PACC1: variants seen among roughly 807,000 people sequenced by gnomAD.
PACC1 encodes proton-activated chloride channel.
Under a neutral mutation model 39.7 loss-of-function variants are expected in PACC1, and 34 were observed. The ratio of observed to expected loss-of-function variants is 0.86; its 90% CI spans 0.65 to 1.14. The LOEUF (loss-of-function observed/expected upper bound fraction) is 1.14. Among genes scored for constraint, PACC1 ranks in the 50% most tolerant of loss-of-function variants. The pLI is 0.00. For synonymous variants in PACC1, 127 were observed against 160.6 expected (o/e 0.79, Z 1.58); for missense variants, 379 against 436.4 (o/e 0.87, Z 1.17).
chr1:212,410,640 T>TA, intron 1 of PACC1, 119 bp from the exon 2 acceptor site: 1 of 890,648 alleles, frequency 1.1e-6, no homozygotes, highest in Non-Finnish European at 1.9e-6. Flanking sequence ...CCACATGACA[T>TA]AGAGTGTGTT....
At position 212,399,464 on chromosome 1, in the gene PACC1, C is replaced by CT. The variant is rs1190777687; in HGVS notation, c.133+10960dup. 8.0e-3 allele frequency among the ~76,000 whole-genome samples: 1,166 copies of CT among 145,896 alleles called. 12 individuals carry two copies. Among genetic ancestry groups the CT allele is most frequent in the Middle Eastern group, 0.036 (10 of 274 alleles). On this transcript the variant is annotated intron_variant, in intron 2 of 7. Coordinates refer to ENST00000261455, the MANE Select transcript of PACC1 (RefSeq NM_018252.3). ...GTAACAAGTAGAGAAGTCTGAAACA[C>CT]TTTTTTTTTTTTTAAGAGACACGGT...
intron 2 of PACC1, among the ~76,000 whole-genome samples, chr1:212,392,019 G>A (rs1558176065): frequency 6.6e-6 from 1 of 152,186 alleles, no homozygotes; most frequent in Non-Finnish European, 1.5e-5. Context: ...AAAACACTCT[G>A]CAGGATATTA....
intron 2 of PACC1, among the ~76,000 whole-genome samples, chr1:212,407,918 TA>T (rs1661976815): frequency 6.6e-6 from 1 of 151,780 alleles, no homozygotes; most frequent in Admixed American, 6.6e-5. Flanking sequence ...CTACTAAAAA[TA>T]AAAAAGTAGC....
intron 2 of PACC1, among the ~76,000 whole-genome samples, chr1:212,403,451 G>A (rs569453397): frequency 6.6e-6 from 1 of 152,146 alleles, no homozygotes; most frequent in South Asian, 2.1e-4. Context: ...TTGCCCCCAT[G>A]GGATTTCTCC....
chr1:212,412,112 G>A (rs986926445), intron 1 of PACC1, among the ~76,000 whole-genome samples: 30 of 151,770 alleles, frequency 2.0e-4, no homozygotes, highest in Non-Finnish European at 2.9e-5. Context: ...TTGCACTCCA[G>A]TCTGAGTGAC....
chr1:212,368,154 G>A (rs180891183), intron 7 of PACC1, among the ~76,000 whole-genome samples: 59 of 152,308 alleles, frequency 3.9e-4, no homozygotes, highest in Admixed American at 1.5e-3. Context: ...TAGTCACAGT[G>A]TAACTTGGCT....
Position 212,392,938 on chromosome 1 carries a change from A to G in PACC1, c.134-5838T>C, listed in dbSNP as rs569345528. Reference sequence around the variant, plus strand: ...CAGGAGCACCCAGATTCATAAAGCAAGTCCTTAGTGACCTACAAAGAGACT... The same window carrying G: ...CAGGAGCACCCAGATTCATAAAGCAGGTCCTTAGTGACCTACAAAGAGACT... On this transcript the variant is annotated intron_variant, in intron 2 of 7. Coordinates refer to ENST00000261455, the MANE Select transcript of PACC1 (RefSeq NM_018252.3). Among the ~76,000 whole-genome samples, 4 of 152,118 alleles carry G rather than the reference A, an allele frequency of 2.6e-5. No individual in the cohort carries two copies. In the South Asian group the frequency reaches 8.3e-4, roughly 32 times the overall value.
At chr1:212,368,670 CAAAT>C (rs1660330180) in intron 7 of PACC1, among the ~76,000 whole-genome samples, 2 of 150,894 alleles carry the variant, frequency 1.3e-5, no homozygotes, top group African/African-American at 4.9e-5. Flanking sequence ...TGAAAATACA[CAAAT>C]AAAAAAAAAA....
At chr1:212,378,882 G>A (rs1660765632) in intron 5 of PACC1, among the ~76,000 whole-genome samples, 1 of 151,924 alleles carries the variant, frequency 6.6e-6, no homozygotes, top group South Asian at 2.1e-4. Context: ...AGGCGATGAG[G>A]ATGAAGGCCT....
intron 5 of PACC1, 94 bp from the exon 6 acceptor site, chr1:212,377,800 C>A: frequency 6.9e-7 from 1 of 1,454,182 alleles, no homozygotes; most frequent in African/African-American, 1.4e-5. Context: ...TTTGCTGGCA[C>A]AACCAGGATG....
chr1:212,377,839 T>C, intron 5 of PACC1, 133 bp from the exon 6 acceptor site: 1 of 994,488 alleles, frequency 1.0e-6, no homozygotes, highest in Non-Finnish European at 1.5e-6. Flanking sequence ...CTCTCCAAAT[T>C]GTGATTGCCT....
chr1:212,409,361 T>G (rs1195767845), intron 2 of PACC1, among the ~76,000 whole-genome samples: 2 of 151,764 alleles, frequency 1.3e-5, no homozygotes, highest in African/African-American at 2.4e-5. Context: ...AAAAAATGAG[T>G]GAGCTGAAAG....
Position 212,386,803 on chromosome 1 carries a change from C to T in PACC1, c.343+88G>A, listed in dbSNP as rs529653872. The T allele has an allele frequency of 6.7e-6, 9 of 1,344,868 alleles. No individual in the cohort carries two copies. The African/African-American group carries it at 1.3e-4, about 19-fold the overall frequency. The allele number at this position is 1,344,868 out of a possible 1,614,324, so 83.3% of individuals were successfully genotyped here. Reference sequence around the variant, plus strand: ...GGACTCCTCTGCCCTGCCCGTAGTACCACAAATACAACGGCAGCTCAGGGA... The same window carrying T: ...GGACTCCTCTGCCCTGCCCGTAGTATCACAAATACAACGGCAGCTCAGGGA... On this transcript the variant is annotated intron_variant, in intron 3 of 7. Transcript: ENST00000261455. The surrounding 1 kb of genome is among the most constrained non-coding windows in gnomAD (Gnocchi z 5.0).
At chr1:212,405,720 G>A (rs1661886391) in intron 2 of PACC1, among the ~76,000 whole-genome samples, 2 of 152,172 alleles carry the variant, frequency 1.3e-5, no homozygotes, top group Non-Finnish European at 2.9e-5. Context: ...GTATGGATTT[G>A]AGCCCTGCCA....
chr1:212,403,857 C>A (rs1459548026), intron 2 of PACC1, among the ~76,000 whole-genome samples: 1 of 151,620 alleles, frequency 6.6e-6, no homozygotes, highest in Non-Finnish European at 1.5e-5. Context: ...GCCACCACAC[C>A]TGGCCATCTT....
Position 212,395,035 on chromosome 1 carries a change from C to T in PACC1, c.134-7935G>A, listed in dbSNP as rs987051424. Among the ~76,000 whole-genome samples, 1,159 of 152,212 alleles carry T rather than the reference C, an allele frequency of 7.6e-3. 17 individuals are homozygous for T. Among genetic ancestry groups the T allele is most frequent in the African/African-American group, 0.026 (1,092 of 41,494 alleles). On this transcript the variant is annotated intron_variant, in intron 2 of 7. Transcript: ENST00000261455. Reference sequence around the variant, plus strand: ...CCCAAGGTAATTTATAGATTCAATGCCATCCCCATCAAGCTACCAATGACT... The same window carrying T: ...CCCAAGGTAATTTATAGATTCAATGTCATCCCCATCAAGCTACCAATGACT...
intron 2 of PACC1, among the ~76,000 whole-genome samples, chr1:212,395,939 A>G (rs1661500007): frequency 6.6e-6 from 1 of 152,216 alleles, no homozygotes; most frequent in South Asian, 2.1e-4. Flanking sequence ...AGGAAACAAC[A>G]GGTGCTGGAG....
chr1:212,411,751 G>A (rs747131690), intron 1 of PACC1, among the ~76,000 whole-genome samples: 1 of 152,238 alleles, frequency 6.6e-6, no homozygotes, highest in East Asian at 1.9e-4. Flanking sequence ...CATCTCTTAC[G>A]AATCTATTCT....
chr1:212,383,445 G>C (rs560468364), intron 4 of PACC1, among the ~76,000 whole-genome samples: 5 of 152,282 alleles, frequency 3.3e-5, no homozygotes, highest in Non-Finnish European at 7.4e-5. Context: ...AGGGAGCTGG[G>C]AATCCAGACA....
Sources: gnomAD v4.1 joint callset for allele counts (sites outside exome capture counted in the v4.1 genomes callset) on GRCh38, gnomAD v4.1.1 for gene constraint, Gnocchi (gnomAD v3.1) non-coding constraint, MANE v1.5 for transcripts, NCBI Gene and HGNC (gene_info 2026-07-23, HGNC 2026-07-21) for gene names.